The following DOCK9 variants were observed in gnomAD, a reference collection of about 807,000 sequenced individuals.
DOCK9 encodes dedicator of cytokinesis 9.
In DOCK9, 89 loss-of-function variants were observed where a neutral mutation model predicts 263.3. That is an observed-to-expected ratio of 0.34 (90% CI 0.28 to 0.40). The LOEUF (loss-of-function observed/expected upper bound fraction) is 0.40, where lower values mean the gene tolerates loss of function less well. DOCK9 is among the 10% of genes least tolerant of loss of function. DOCK9 has a pLI of 1.00. For missense variants in DOCK9, 2,140 were observed against 2,603.4 expected, an observed-to-expected ratio of 0.82 and a Z score of 3.87; for synonymous variants, 976 against 973.1, an observed-to-expected ratio of 1.00 and a Z score of -0.06.
chr13:98,807,895 A>G (rs537233221), intron 47 of DOCK9, 88 bp from the exon 48 acceptor site: 9 of 1,141,414 alleles, frequency 7.9e-6, no homozygotes, highest in South Asian at 6.9e-5. Context: ...CAAGGGGGAA[A>G]AAAAGGAATG....
At chr13:99,061,180 G>A (rs185761792) in intron 1 of DOCK9, among the ~76,000 whole-genome samples, 208 of 152,174 alleles carry the variant, frequency 1.4e-3, no homozygotes, top group Non-Finnish European at 5.3e-4. Context: ...GTGAGCCCAA[G>A]CTGTTTCATT....
At chr13:98,914,261 A>T (rs1239507165) in intron 9 of DOCK9, 67 bp downstream of exon 9, 1 of 1,348,388 alleles carries the variant, frequency 7.4e-7, no homozygotes, top group African/African-American at 1.5e-5. Context: ...CATTCTGGAC[A>T]AACCAGTGAA....
intron 14 of DOCK9, among the ~76,000 whole-genome samples, 187 bp downstream of exon 14, chr13:98,897,992 C>G (rs1156309155): frequency 6.6e-6 from 1 of 152,210 alleles, no homozygotes; most frequent in African/African-American, 2.4e-5. Flanking sequence ...CCAGGTAGCA[C>G]TTCTCCAGAC....
intron 48 of DOCK9, 37 bp downstream of exon 48, chr13:98,807,624 T>C (rs766050977): frequency 3.7e-5 from 57 of 1,546,562 alleles, no homozygotes; most frequent in Non-Finnish European, 4.8e-5. Context: ...AATCACAACA[T>C]TACATTGCTA....
chr13:99,060,542 C>T (rs9517580), intron 1 of DOCK9, among the ~76,000 whole-genome samples: 42,456 of 152,014 alleles, frequency 0.28, 6,308 homozygotes, highest in East Asian at 0.43. Flanking sequence ...TCTGAAGAAA[C>T]GCCAAACTGT....
chr13:98,951,626 A>G (rs1319292050), intron 2 of DOCK9, among the ~76,000 whole-genome samples: 1 of 152,228 alleles, frequency 6.6e-6, no homozygotes, highest in Non-Finnish European at 1.5e-5. Context: ...GCAGTAGGAA[A>G]GGAATTGAGA....
chr13:98,810,512 C>T (rs1802520864), intron 45 of DOCK9, among the ~76,000 whole-genome samples: 1 of 152,118 alleles, frequency 6.6e-6, no homozygotes, highest in South Asian at 2.1e-4. Context: ...CGATCATGGT[C>T]ACAAGCAAAA....
intron 10 of DOCK9, among the ~76,000 whole-genome samples, chr13:98,903,346 C>T (rs774717774): frequency 1.3e-4 from 20 of 152,220 alleles, no homozygotes; most frequent in South Asian, 6.2e-4. Context: ...GTAATTCCAG[C>T]ACTTTGGGAG....
At chr13:98,830,548 G>A (rs1465972939) in intron 41 of DOCK9, among the ~76,000 whole-genome samples, 2 of 152,170 alleles carry the variant, frequency 1.3e-5, no homozygotes, top group Admixed American at 1.3e-4. Flanking sequence ...CCGCAGTAAG[G>A]AACATCTCTA....
intron 1 of DOCK9, among the ~76,000 whole-genome samples, chr13:99,043,219 C>CCT: frequency 6.6e-6 from 1 of 152,334 alleles, no homozygotes; most frequent in East Asian, 1.9e-4. Flanking sequence ...CCTGGAAGCC[C>CCT]CTACAGTGAC....
At chr13:98,835,718 C>T (rs1050487825) in intron 39 of DOCK9, among the ~76,000 whole-genome samples, 5 of 145,574 alleles carry the variant, frequency 3.4e-5, no homozygotes, top group Non-Finnish European at 4.5e-5. Flanking sequence ...GTGACAAATA[C>T]TCTTCTTTAC....
At chr13:99,074,931 A>C (rs955908209) in intron 1 of DOCK9, among the ~76,000 whole-genome samples, 29 of 152,176 alleles carry the variant, frequency 1.9e-4, no homozygotes, top group African/African-American at 7.0e-4. Flanking sequence ...ACAACACAAC[A>C]CTCACCACAA....
chr13:98,954,778 C>A (rs771183378), intron 2 of DOCK9, among the ~76,000 whole-genome samples: 1 of 151,526 alleles, frequency 6.6e-6, no homozygotes, highest in Non-Finnish European at 1.5e-5. Flanking sequence ...GCCAAAAAAT[C>A]TAAATCAAAA....
intron 27 of DOCK9, among the ~76,000 whole-genome samples, chr13:98,869,539 T>C (rs575648972): frequency 6.6e-6 from 1 of 152,308 alleles, no homozygotes; most frequent in African/African-American, 2.4e-5. Context: ...TCCATTACAT[T>C]GATCCATTCA....
At chr13:98,915,136 T>A (rs1196086769) in intron 8 of DOCK9, among the ~76,000 whole-genome samples, 193 bp downstream of exon 8, 1 of 151,374 alleles carries the variant, frequency 6.6e-6, no homozygotes, top group Non-Finnish European at 1.5e-5. Flanking sequence ...TTACATGATT[T>A]CCATATACGA....
intron 34 of DOCK9, among the ~76,000 whole-genome samples, chr13:98,853,843 C>T (rs548096019): frequency 1.5e-4 from 23 of 152,258 alleles, no homozygotes; most frequent in African/African-American, 5.5e-4. Flanking sequence ...ATATTGAAAC[C>T]TCATGCAAGA....
chr13:99,082,154 A>G (rs2042144797), intron 1 of DOCK9, among the ~76,000 whole-genome samples: 2 of 152,068 alleles, frequency 1.3e-5, no homozygotes, highest in Admixed American at 6.6e-5. Flanking sequence ...GGGAGTTCAA[A>G]GGCTGCAGCA....
intron 41 of DOCK9, 75 bp downstream of exon 41, chr13:98,831,273 G>A (rs1943935784): frequency 1.4e-6 from 2 of 1,444,916 alleles, no homozygotes; most frequent in Non-Finnish European, 1.9e-6. Context: ...ATTGGTTAAT[G>A]TGATACTCAA....
chr13:98,983,332 C>T (rs1243967921), intron 1 of DOCK9, among the ~76,000 whole-genome samples: 3 of 152,012 alleles, frequency 2.0e-5, no homozygotes, highest in East Asian at 1.9e-4. Flanking sequence ...AAAAGGGGCC[C>T]GAAAATGATC....
Sources: allele counts gnomAD v4.1 joint callset (sites outside exome capture counted in the v4.1 genomes callset), GRCh38; gene constraint gnomAD v4.1.1; transcripts MANE v1.5; gene names NCBI Gene and HGNC (gene_info 2026-07-23, HGNC 2026-07-21).